CCDC85A: variants seen among roughly 807,000 people sequenced by gnomAD.
CCDC85A encodes the protein coiled-coil domain-containing protein 85A.
CCDC85A carries 38 observed loss-of-function variants against 50.2 expected under a neutral mutation model. That is an observed-to-expected ratio of 0.76 (90% CI 0.58 to 0.99). The LOEUF is 0.99. CCDC85A is among the 50% of genes least tolerant of loss of function. The pLI is 0.00. For synonymous variants in CCDC85A, 366 were observed against 301.4 expected, an observed-to-expected ratio of 1.21 and a Z score of -2.22; for missense variants, 820 against 742.0, an observed-to-expected ratio of 1.11 and a Z score of -1.22.
chr2:56,371,798 T>C (rs1241973402), intron 3 of CCDC85A, among the ~76,000 whole-genome samples: 1 of 152,164 alleles, frequency 6.6e-6, no homozygotes. Context: ...TTTATTTTAA[T>C]GCAGTGATGA....
rs371728294 is a variant in CCDC85A, at chr2:56,375,971, C to T, written c.1572+36C>T. On this transcript the variant is annotated intron_variant, in intron 5 of 5. Transcript: ENST00000407595. ...GTGTGCAACCATTTATCCAGAGCTT[C>T]AGTTGTGTCGTCGCTTGTTCGCTGT... The T allele has an allele frequency of 1.7e-4, 279 of 1,600,850 alleles. 1 individual carries two copies. The highest frequency in any genetic ancestry group is 2.4e-4 in the Non-Finnish European group (276 of 1,171,054).
intron 3 of CCDC85A, among the ~76,000 whole-genome samples, chr2:56,357,037 C>A (rs1263655333): frequency 6.6e-6 from 1 of 151,410 alleles, no homozygotes; most frequent in African/African-American, 2.4e-5. Context: ...TGAGATCACA[C>A]CACTGCCCTC....
At chr2:56,291,403 T>A (rs981304649) in intron 2 of CCDC85A, among the ~76,000 whole-genome samples, 1 of 152,144 alleles carries the variant, frequency 6.6e-6, no homozygotes, top group Non-Finnish European at 1.5e-5. Context: ...ATATCATTAG[T>A]TAGTGAAAAG....
Position 56,200,114 on chromosome 2 carries a change from G to T in CCDC85A, c.1240+6674G>T, listed in dbSNP as rs572057499. Reference sequence around the variant, plus strand: ...CATCTCCGGACCTGCTGATCTACCTGCCTCTGCCTCCCAAAGTGCTGGAAT... The same window carrying T: ...CATCTCCGGACCTGCTGATCTACCTTCCTCTGCCTCCCAAAGTGCTGGAAT... On this transcript the variant is annotated intron_variant, in intron 2 of 5. Transcript: ENST00000407595. 9.2e-5 allele frequency among the ~76,000 whole-genome samples: 14 copies of T among 152,238 alleles called. No homozygotes were observed. In the South Asian group the frequency reaches 2.7e-3, roughly 29 times the overall value.
chr2:56,372,394 G>A lies in CCDC85A; in HGVS notation c.1368G>A (p.Glu456=), dbSNP rs747268026. The A allele has an allele frequency of 1.7e-5, 27 of 1,600,688 alleles. No homozygotes were observed. The highest frequency in any genetic ancestry group is 2.3e-5 in the Non-Finnish European group (27 of 1,173,382). Residue 456 remains glutamate, a synonymous_variant, in exon 4 of 6, where the codon GAG becomes GAA. Coordinates refer to ENST00000407595, the MANE Select transcript of CCDC85A (RefSeq NM_001080433.2). Reference sequence around the variant, plus strand: ...CAACTAGAAACAGCTCAAATATGGAGAAAGGCTGGGGGTCCAGAGCCCGGC... The same window carrying A: ...CAACTAGAAACAGCTCAAATATGGAAAAAGGCTGGGGGTCCAGAGCCCGGC... ...QPPTRNSSNM[E]KGWGSRARRV...
At chr2:56,296,514 G>T (rs1671956315) in intron 2 of CCDC85A, among the ~76,000 whole-genome samples, 1 of 152,128 alleles carries the variant, frequency 6.6e-6, no homozygotes, top group Non-Finnish European at 1.5e-5. Context: ...CTTACATGGA[G>T]GTGATCCCTA....
At chr2:56,240,090 A>G (rs1488718904) in intron 2 of CCDC85A, among the ~76,000 whole-genome samples, 1 of 152,202 alleles carries the variant, frequency 6.6e-6, no homozygotes, top group Non-Finnish European at 1.5e-5. Context: ...ACAGAGTTGT[A>G]CAATGATCAT....
chr2:56,267,393 G>C (rs1670499451), intron 2 of CCDC85A, among the ~76,000 whole-genome samples: 1 of 152,114 alleles, frequency 6.6e-6, no homozygotes, highest in Non-Finnish European at 1.5e-5. Context: ...GAATGATAGT[G>C]GTTTCAAGTG....
chr2:56,349,957 C>G (rs2104340644), intron 3 of CCDC85A, among the ~76,000 whole-genome samples: 1 of 151,108 alleles, frequency 6.6e-6, no homozygotes, highest in South Asian at 2.1e-4. Flanking sequence ...ATAGTAATAT[C>G]AACTAGAAAT....
intron 2 of CCDC85A, among the ~76,000 whole-genome samples, chr2:56,313,722 C>G (rs1000242123): frequency 1.3e-5 from 2 of 151,748 alleles, no homozygotes; most frequent in African/African-American, 2.4e-5. Flanking sequence ...CTTGCTGTGG[C>G]AGAAGGTTGT....
chr2:56,215,479 G>T (rs1209746368), intron 2 of CCDC85A, among the ~76,000 whole-genome samples: 1 of 151,698 alleles, frequency 6.6e-6, no homozygotes, highest in Non-Finnish European at 1.5e-5. Context: ...AATGTTAGGG[G>T]GAAGGCATCC....
At chr2:56,348,642 C>T (rs1018919322) in intron 3 of CCDC85A, among the ~76,000 whole-genome samples, 2 of 152,102 alleles carry the variant, frequency 1.3e-5, no homozygotes, top group African/African-American at 2.4e-5. Flanking sequence ...GAGAAGGGTA[C>T]GTAGGAGCTA....
At chr2:56,219,987 G>A (rs1193565916) in intron 2 of CCDC85A, among the ~76,000 whole-genome samples, 1 of 151,954 alleles carries the variant, frequency 6.6e-6, no homozygotes, top group Non-Finnish European at 1.5e-5. Flanking sequence ...AGTAGGAGGT[G>A]ACCAACCATA....
intron 2 of CCDC85A, among the ~76,000 whole-genome samples, chr2:56,307,652 T>C (rs1477475764): frequency 6.6e-6 from 1 of 152,234 alleles, no homozygotes; most frequent in Non-Finnish European, 1.5e-5. Context: ...AAAGTATTCT[T>C]ATCTTTATTT....
At chr2:56,278,370 GC>G (rs1247430640) in intron 2 of CCDC85A, among the ~76,000 whole-genome samples, 4 of 151,826 alleles carry the variant, frequency 2.6e-5, no homozygotes, top group African/African-American at 9.7e-5. Flanking sequence ...GTGTTGAATT[GC>G]TTTTTGATGT....
At chr2:56,253,084 T>C (rs1012858859) in intron 2 of CCDC85A, among the ~76,000 whole-genome samples, 8 of 152,048 alleles carry the variant, frequency 5.3e-5, no homozygotes, top group African/African-American at 1.9e-4. Context: ...AAGACTGTTC[T>C]TATTATAGGT....
intron 3 of CCDC85A, among the ~76,000 whole-genome samples, chr2:56,351,125 A>G (rs2104344156): frequency 6.8e-6 from 1 of 146,978 alleles, no homozygotes; most frequent in Non-Finnish European, 1.5e-5. Context: ...TTCTTGCGAT[A>G]GTTTACTGAG....
intron 3 of CCDC85A, among the ~76,000 whole-genome samples, chr2:56,346,472 C>T (rs535874740): frequency 3.9e-5 from 6 of 152,286 alleles, no homozygotes; most frequent in African/African-American, 1.2e-4. Context: ...GAGGAGCCCA[C>T]AGGAAGTGCT....
rs550350856 is a variant in CCDC85A, at chr2:56,359,623, A to G, written c.1318-12721A>G. 7.9e-5 allele frequency among the ~76,000 whole-genome samples: 12 copies of G among 152,316 alleles called. No homozygotes were observed. In the South Asian group the frequency reaches 1.9e-3, roughly 24 times the overall value. ...CACAGACAAGTGAAATGCTAAATCT[A>G]TGTTTATCGATGGATGAAGAAAACC... On this transcript the variant is annotated intron_variant, in intron 3 of 5. Coordinates refer to ENST00000407595, the MANE Select transcript of CCDC85A (RefSeq NM_001080433.2).
Sources: allele counts gnomAD v4.1 joint callset (sites outside exome capture counted in the v4.1 genomes callset), GRCh38; gene constraint gnomAD v4.1.1; transcripts MANE v1.5; gene names NCBI Gene and HGNC (gene_info 2026-07-23, HGNC 2026-07-21).